Variants in ITPR2 observed in about 807,000 individuals in gnomAD.
The protein encoded by ITPR2 is inositol 1,4,5-trisphosphate receptor type 2.
ITPR2 carries 207 observed loss-of-function variants against 317.1 expected under a neutral mutation model. The ratio of observed to expected loss-of-function variants is 0.65; its 90% CI spans 0.58 to 0.73. ITPR2 has a LOEUF of 0.73. Ranked by LOEUF, ITPR2 falls within the 30% of genes least tolerant of loss-of-function variation. The pLI, the probability that ITPR2 is intolerant of heterozygous loss-of-function variation, is 0.00. For missense variants in ITPR2, 2,613 were observed against 3,284.0 expected, an observed-to-expected ratio of 0.80 and a Z score of 4.99; for synonymous variants, 1,156 against 1,149.1, an observed-to-expected ratio of 1.01 and a Z score of -0.12.
At chr12:26,489,272 G>A (rs1017528917) in intron 39 of ITPR2, among the ~76,000 whole-genome samples, 1 of 152,222 alleles carries the variant, frequency 6.6e-6, no homozygotes, top group African/African-American at 2.4e-5. Flanking sequence ...AGCTAAGGGG[G>A]ATGGATCAAC....
chr12:26,359,220 G>A (rs994099517), intron 55 of ITPR2, among the ~76,000 whole-genome samples: 6 of 152,140 alleles, frequency 3.9e-5, no homozygotes, highest in African/African-American at 1.4e-4. Flanking sequence ...AAAGTGTCCC[G>A]CCACTGCTAC....
intron 52 of ITPR2, chr12:26,406,483 G>A (rs1452135897): frequency 1.5e-5 from 2 of 130,354 alleles, no homozygotes; most frequent in Non-Finnish European, 3.1e-5. Flanking sequence ...GTTACTGCGT[G>A]AATTTTCTGG....
chr12:26,467,047 A>G (rs1217138943), intron 45 of ITPR2, among the ~76,000 whole-genome samples: 3 of 152,232 alleles, frequency 2.0e-5, no homozygotes, highest in Non-Finnish European at 4.4e-5. Context: ...ATATTAGCAT[A>G]AGAAAATGGA....
chr12:26,504,291 CAT>C (rs529765490), intron 37 of ITPR2, among the ~76,000 whole-genome samples: 24 of 152,244 alleles, frequency 1.6e-4, no homozygotes, highest in African/African-American at 5.3e-4. Context: ...AACACATATC[CAT>C]ATGTCTCTCC....
intron 34 of ITPR2, among the ~76,000 whole-genome samples, chr12:26,572,540 T>C (rs1945187988): frequency 6.6e-6 from 1 of 152,210 alleles, no homozygotes; most frequent in East Asian, 1.9e-4. Flanking sequence ...AATGGAATCG[T>C]TAAGTAGACT....
At chr12:26,827,631 T>C (rs984585975) in intron 1 of ITPR2, among the ~76,000 whole-genome samples, 1 of 152,186 alleles carries the variant, frequency 6.6e-6, no homozygotes, top group Admixed American at 6.5e-5. Flanking sequence ...CAAAACTTAT[T>C]TACATGCTAA....
Position 26,758,559 on chromosome 12 carries a change from T to C in ITPR2, c.163+31598A>G, listed in dbSNP as rs563640362. ...TATAATGTTACTGTTAAAAGTTGCATGTCTAGTATATAAGGCCTCTTATTA... is the reference window on the plus strand; with the variant it reads ...TATAATGTTACTGTTAAAAGTTGCACGTCTAGTATATAAGGCCTCTTATTA... On this transcript the variant is annotated intron_variant, in intron 2 of 56. Coordinates refer to ENST00000381340, the MANE Select transcript of ITPR2 (RefSeq NM_002223.4). Among the ~76,000 whole-genome samples the C allele has an allele frequency of 5.9e-5, 9 of 152,332 alleles. No individual in the cohort carries two copies. The East Asian group carries it at 1.2e-3, about 20-fold the overall frequency.
intron 55 of ITPR2, among the ~76,000 whole-genome samples, chr12:26,349,097 A>AT (rs1372345607): frequency 1.3e-5 from 2 of 152,178 alleles, no homozygotes; most frequent in African/African-American, 4.8e-5. Flanking sequence ...GTAGTGAGCT[A>AT]TGATCATGCC....
rs77912729 is a variant in ITPR2, at chr12:26,560,227, T to C, written c.4821+1535A>G. On this transcript the variant is annotated intron_variant, in intron 35 of 56. Coordinates refer to ENST00000381340, the MANE Select transcript of ITPR2 (RefSeq NM_002223.4). ...TTGCTCTCCTGATCCTCCTCCTTTC[T>C]GACCCACTTTTTTTTCTTGCACTCT... Among the ~76,000 whole-genome samples, 109 of 152,296 alleles carry C rather than the reference T, an allele frequency of 7.2e-4. 2 individuals are homozygous for C. The East Asian group carries it at 0.02, about 28-fold the overall frequency.
chr12:26,626,419 A>G (rs906149196), intron 23 of ITPR2, among the ~76,000 whole-genome samples: 2 of 152,220 alleles, frequency 1.3e-5, no homozygotes, highest in Admixed American at 1.3e-4. Context: ...GTAGAGAGAA[A>G]GGGTTTTCTG....
chr12:26,460,428 T>C (rs1371866422), intron 45 of ITPR2, among the ~76,000 whole-genome samples: 1 of 152,208 alleles, frequency 6.6e-6, no homozygotes. Flanking sequence ...TGGCAGAGGT[T>C]AATGTCTTTA....
chr12:26,352,930 T>A (rs1229119044), intron 55 of ITPR2, among the ~76,000 whole-genome samples: 2 of 152,206 alleles, frequency 1.3e-5, no homozygotes, highest in African/African-American at 4.8e-5. Flanking sequence ...GTGGGAGTAT[T>A]TGCACCATGG....
At chr12:26,474,743 G>C (rs149261822) in intron 45 of ITPR2, among the ~76,000 whole-genome samples, 1 of 133,838 alleles carries the variant, frequency 7.5e-6, no homozygotes, top group Non-Finnish European at 1.5e-5. Context: ...GCAGTGAGCC[G>C]AGATCCCGCC....
chr12:26,695,733 T>G, intron 9 of ITPR2, 83 bp from the exon 10 acceptor site: 1 of 758,110 alleles, frequency 1.3e-6, no homozygotes, highest in Non-Finnish European at 2.2e-6. Context: ...TCAATTAATA[T>G]TCTATCCTCA....
chr12:26,414,050 TACACACAC>T (rs777855580), intron 51 of ITPR2, among the ~76,000 whole-genome samples: 14 of 138,114 alleles, frequency 1.0e-4, no homozygotes, highest in African/African-American at 1.7e-4. Flanking sequence ...TGTATATATG[TACACACAC>T]ACACACACAC....
At chr12:26,411,243 C>T (rs996924162) in intron 52 of ITPR2, 77 bp downstream of exon 52, 6 of 921,026 alleles carry the variant, frequency 6.5e-6, no homozygotes, top group South Asian at 2.9e-5. Context: ...GAGCAATTCC[C>T]TAAGAGGTAA....
At chr12:26,736,730 G>A (rs993177878) in intron 2 of ITPR2, among the ~76,000 whole-genome samples, 3 of 152,118 alleles carry the variant, frequency 2.0e-5, no homozygotes, top group Non-Finnish European at 2.9e-5. Context: ...GTGCTGAACC[G>A]GCGGAAAAGC....
At chr12:26,691,340 A>G (rs1304765913) in intron 10 of ITPR2, among the ~76,000 whole-genome samples, 1 of 152,120 alleles carries the variant, frequency 6.6e-6, no homozygotes, top group Non-Finnish European at 1.5e-5. Context: ...AAGACACAGA[A>G]ACACTAGTTC....
chr12:26,448,392 A>G lies in ITPR2; in HGVS notation c.6343-4742T>C, dbSNP rs571266508. ...CATGGGGGGGAAATCTCTGGGTCTT[A>G]GAAATACTTGTATTCCACAACAATA... On this transcript the variant is annotated intron_variant, in intron 45 of 56. Coordinates refer to ENST00000381340, the MANE Select transcript of ITPR2 (RefSeq NM_002223.4). 8.5e-5 allele frequency among the ~76,000 whole-genome samples: 13 copies of G among 152,238 alleles called. 1 individual carries two copies. Among genetic ancestry groups the G allele is most frequent in the African/African-American group, 3.1e-4 (13 of 41,576 alleles).
Sources: gnomAD v4.1 joint callset for allele counts (sites outside exome capture counted in the v4.1 genomes callset) on GRCh38, gnomAD v4.1.1 for gene constraint, MANE v1.5 for transcripts, NCBI Gene and HGNC (gene_info 2026-07-23, HGNC 2026-07-21) for gene names.